The following FBXO22 variants were observed in gnomAD, a reference collection of about 807,000 sequenced individuals.
The protein encoded by FBXO22 is F-box only protein 22.
Under a neutral mutation model 37.2 loss-of-function variants are expected in FBXO22, and 13 were observed. That is an observed-to-expected ratio of 0.35 (90% confidence interval 0.23 to 0.56). The LOEUF (loss-of-function observed/expected upper bound fraction) is 0.56. Among genes scored for constraint, FBXO22 ranks in the 20% least tolerant of loss-of-function variants. The pLI is 0.87. For synonymous variants in FBXO22, 189 were observed against 189.1 expected (o/e 1.00, Z 0.00); for missense variants, 446 against 509.9 (o/e 0.87, Z 1.21).
chr15:75,917,136 G>A, intron 4 of FBXO22, 94 bp from the exon 5 acceptor site: 1 of 853,892 alleles, frequency 1.2e-6, no homozygotes, highest in Non-Finnish European at 1.8e-6. Context: ...CTCAGATAGT[G>A]GCTTGTTAGC....
chr15:75,926,655 G>A (rs1301354354), intron 5 of FBXO22, among the ~76,000 whole-genome samples: 1 of 152,156 alleles, frequency 6.6e-6, no homozygotes, highest in Admixed American at 6.5e-5. Flanking sequence ...GGGCGTATCC[G>A]GGAAAAACAC....
chr15:75,930,598 T>A, intron 6 of FBXO22: 1 of 985,634 alleles, frequency 1.0e-6, no homozygotes, highest in Non-Finnish European at 1.2e-6. Context: ...GCTTAAAAAT[T>A]GTGGATCTTT....
At chr15:75,916,251 T>C (rs182179245) in intron 4 of FBXO22, among the ~76,000 whole-genome samples, 3 of 152,292 alleles carry the variant, frequency 2.0e-5, no homozygotes, top group Admixed American at 2.0e-4. Flanking sequence ...TTCTGTAGAC[T>C]TGTAACCTAC....
At position 75,941,963 on chromosome 15, in the gene FBXO22, A is replaced by AAAT. The variant is rs2031029651; in HGVS notation, c.*8861_*8862insAAT. 1 of 132,388 alleles carries AAAT rather than the reference A, an allele frequency of 7.6e-6. No homozygotes were observed. Among genetic ancestry groups the AAAT allele is most frequent in the African/African-American group, 2.8e-5 (1 of 35,404 alleles). 8.2% of individuals were successfully genotyped at this position (132,388 alleles called of 1,614,324 possible). Reference sequence around the variant, plus strand: ...ACCAAAAAAAAAAAAAAAAAAAAATATGGCCTAGCTTTTTTTTTTTTTTTT... The same window carrying AAAT: ...ACCAAAAAAAAAAAAAAAAAAAAATAAATTGGCCTAGCTTTTTTTTTTTTTTTT... On this transcript the variant is annotated 3_prime_UTR_variant, in exon 7 of 7. Coordinates refer to ENST00000308275, the MANE Select transcript of FBXO22 (RefSeq NM_147188.3).
At chr15:75,928,245 C>T (rs887720529) in intron 5 of FBXO22, among the ~76,000 whole-genome samples, 2 of 152,014 alleles carry the variant, frequency 1.3e-5, no homozygotes, top group Non-Finnish European at 2.9e-5. Context: ...AGTCCTATTA[C>T]TGGGTATATA....
In FBXO22 at chr15:75,934,681, C is replaced by T. The variant is rs1421228644; in HGVS notation, c.*1579C>T. 1 of 152,154 alleles carries T rather than the reference C, an allele frequency of 6.6e-6. No homozygotes were observed. The highest frequency in any genetic ancestry group is 2.4e-5 in the African/African-American group (1 of 41,430). The allele number at this position is 152,154 out of a possible 1,614,324, so 9.4% of individuals were successfully genotyped here. Reference sequence around the variant, plus strand: ...AGAAAAATTTGTCAAAACTTTTCATCTATGAATATTTATATTTAGCTCTTG... The same window carrying T: ...AGAAAAATTTGTCAAAACTTTTCATTTATGAATATTTATATTTAGCTCTTG... On this transcript the variant is annotated 3_prime_UTR_variant, in exon 7 of 7. Transcript: ENST00000308275.
intron 2 of FBXO22, among the ~76,000 whole-genome samples, chr15:75,907,423 CATAGTT>C (rs1054502278): frequency 3.3e-4 from 50 of 152,260 alleles, no homozygotes; most frequent in Admixed American, 9.2e-4. Context: ...TTAAAGTTCA[CATAGTT>C]ATAGTAATGC....
chr15:75,904,528 T>G lies in FBXO22; in HGVS notation c.178T>G (p.Leu60Val). Residue 60 changes from leucine (L) to valine (V), a missense_variant, in exon 2 of 7, where the codon TTG (leucine) becomes GTG (valine). Leu to Val is a conservative substitution (Grantham distance 32). Transcript: ENST00000308275. ...ATGGAGGGAGTGTGTGCGCAGAGTA[T>G]TGCGGACCCATCGGAGCGTAACCTG... ...RLWRECVRRVLRTHRSVTWIS... is the reference protein window; with the variant it reads ...RLWRECVRRVVRTHRSVTWIS... 6.2e-7 allele frequency: 1 copy of G among 1,614,008 alleles called. No individual in the cohort carries two copies. Among genetic ancestry groups the G allele is most frequent in the East Asian group, 2.2e-5 (1 of 44,844 alleles).
At chr15:75,905,548 A>G (rs1022472140) in intron 2 of FBXO22, 4 of 152,200 alleles carry the variant, frequency 2.6e-5, no homozygotes, top group Non-Finnish European at 4.4e-5. Context: ...GGAAATTATC[A>G]CTGATACATT....
Position 75,932,928 on chromosome 15 carries a change from A to G in FBXO22, c.1038A>G (p.Arg346=), listed in dbSNP as rs139399078. 1.2e-4 allele frequency: 189 copies of G among 1,614,252 alleles called. No homozygotes were observed. The highest frequency in any genetic ancestry group is 9.9e-4 in the Middle Eastern group (6 of 6,062). The change falls in exon 7 of 7, where the codon AGA becomes AGG. Residue 346 remains arginine, a synonymous_variant. Transcript: ENST00000308275. The part of the protein sequence containing the change: ...AKGNVEADAF[R]KFFPSVPLFG... ...GGAATGTTGAGGCTGATGCATTTAG[A>G]AAGTTTTTTCCTAGTGTTCCCTTAT...
intron 2 of FBXO22, among the ~76,000 whole-genome samples, chr15:75,912,304 C>T (rs1457356139): frequency 2.0e-5 from 3 of 152,012 alleles, no homozygotes; most frequent in Non-Finnish European, 4.4e-5. Context: ...AGGGACGAGT[C>T]CCTCTTTTTC....
chr15:75,927,482 C>T (rs1900469243), intron 5 of FBXO22, among the ~76,000 whole-genome samples: 1 of 152,056 alleles, frequency 6.6e-6, no homozygotes, highest in Non-Finnish European at 1.5e-5. Context: ...TAGAGTCTGT[C>T]ATTATATTGT....
At chr15:75,930,991 G>C in intron 6 of FBXO22, 1 of 343,196 alleles carries the variant, frequency 2.9e-6, no homozygotes. Flanking sequence ...GAGGAAGAGA[G>C]GAAGGCCAAG....
intron 4 of FBXO22, among the ~76,000 whole-genome samples, chr15:75,916,371 T>A (rs190808867): frequency 1.3e-5 from 2 of 152,326 alleles, no homozygotes; most frequent in East Asian, 3.9e-4. Context: ...AGATCGGGGA[T>A]GGTCTCTCTG....
At position 75,904,096 on chromosome 15, in the gene FBXO22, G is replaced by A. The variant is rs2141698252; in HGVS notation, c.133G>A (p.Val45Met). Residue 45 changes from valine (V) to methionine (M), a missense_variant, in exon 1 of 7, where the codon GTG (valine) becomes ATG (methionine). Coordinates refer to ENST00000308275, the MANE Select transcript of FBXO22 (RefSeq NM_147188.3). ...CCTGCCCGCCAAGGCGTTGCTGCGG[G>A]TGGCCTGGTGAGGAGAGGAGGCGGA... Reference protein sequence around the residue: ...TFLPAKALLRVACVCRLWREC... With the variant: ...TFLPAKALLRMACVCRLWREC... 3 of 1,544,780 alleles carry A rather than the reference G, an allele frequency of 1.9e-6. No individual in the cohort carries two copies. Among genetic ancestry groups the A allele is most frequent in the East Asian group, 2.4e-5 (1 of 40,984 alleles).
chr15:75,904,303 C>T, intron 1 of FBXO22, 188 bp from the exon 2 acceptor site: 3 of 1,088,548 alleles, frequency 2.8e-6, no homozygotes, highest in East Asian at 2.6e-5. Flanking sequence ...GGGCGAAGTT[C>T]CCCTTAAGGT....
Position 75,942,057 on chromosome 15 carries a change from A to G in FBXO22, c.*8955A>G, listed in dbSNP as rs1196309827. On this transcript the variant is annotated 3_prime_UTR_variant, in exon 7 of 7. Coordinates refer to ENST00000308275, the MANE Select transcript of FBXO22 (RefSeq NM_147188.3). ...AACTTTAAGTGTATATTGCTAAGTG[A>G]AAGAAGTTAGTCTGAAAGGCTACAT... The G allele has an allele frequency of 6.6e-6, 1 of 150,974 alleles. No homozygotes were observed. The highest frequency in any genetic ancestry group is 2.4e-5 in the African/African-American group (1 of 41,060). The allele number at this position is 150,974 out of a possible 1,614,324, so 9.4% of individuals were successfully genotyped here. A position where few individuals can be genotyped will look rare whatever the true frequency, so the allele number is the denominator to read the frequency against.
In FBXO22 at chr15:75,934,183, C is replaced by G. The variant is rs2030176305; in HGVS notation, c.*1081C>G. ...ACGATTTTTTGTGTCCTTAAAATGG[C>G]ATGACCATTTATTTGCCCCTTTCTC... is the stretch of plus-strand genomic sequence containing the variant. On this transcript the variant is annotated 3_prime_UTR_variant, in exon 7 of 7. Transcript: ENST00000308275. 6.6e-6 allele frequency: 1 copy of G among 152,230 alleles called. No individual in the cohort carries two copies. The highest frequency in any genetic ancestry group is 2.4e-5 in the African/African-American group (1 of 41,434). 9.4% of individuals were successfully genotyped at this position (152,230 alleles called of 1,614,324 possible).
rs1899879864 is a variant in FBXO22 at position 75,904,620 on chromosome 15, G to C, written c.270G>C (p.Glu90Asp). 2 of 1,606,370 alleles carry C rather than the reference G, an allele frequency of 1.2e-6. No individual in the cohort carries two copies. The highest frequency in any genetic ancestry group is 1.7e-6 in the Non-Finnish European group (2 of 1,174,912). ...ATTGCTTGGTTCGCGTGGTAGCAGA[G>C]GAGCTTGAGGCAAGTAGCAAGGGGT... ...EGHCLVRVVA[E>D]ELENVRILPH... Residue 90 changes from glutamate to aspartate, a missense_variant, in exon 2 of 7, where the codon GAG becomes GAC. Coordinates refer to ENST00000308275, the MANE Select transcript of FBXO22 (RefSeq NM_147188.3).
Sources: gnomAD v4.1 joint callset for allele counts (sites outside exome capture counted in the v4.1 genomes callset) on GRCh38, gnomAD v4.1.1 for gene constraint, MANE v1.5 for transcripts, NCBI Gene and HGNC (gene_info 2026-07-23, HGNC 2026-07-21) for gene names.